Variants in SUPT5H observed in about 807,000 individuals in gnomAD.
The protein encoded by SUPT5H is transcription elongation factor SPT5.
A neutral mutation model predicts 142.5 loss-of-function variants in SUPT5H; 24 were observed. The observed-to-expected ratio is 0.17, with a 90% confidence interval of 0.12 to 0.24. The LOEUF (loss-of-function observed/expected upper bound fraction) is 0.24, where lower values mean the gene tolerates loss of function less well. Ranked by LOEUF, SUPT5H falls within the 10% of genes least tolerant of loss-of-function variation. The pLI is 1.00. For missense variants in SUPT5H, 893 were observed against 1,471.8 expected (o/e 0.61, Z 6.43); for synonymous variants, 546 against 553.0 (o/e 0.99, Z 0.18).
intron 13 of SUPT5H, 128 bp from the exon 14 acceptor site, chr19:39,468,628 G>A: frequency 1.3e-6 from 1 of 757,964 alleles, no homozygotes; most frequent in Non-Finnish European, 2.2e-6. Flanking sequence ...AAGAGGGTGT[G>A]TGCTGGGATG....
intron 13 of SUPT5H, chr19:39,468,011 C>A (rs2146115790): frequency 1.3e-5 from 2 of 152,312 alleles, no homozygotes; most frequent in Middle Eastern, 6.8e-3. Context: ...AGCATGCTGG[C>A]CCCTCTCCCA....
At chr19:39,445,779 G>C (rs965124282) in intron 1 of SUPT5H, 25 bp from the exon 2 acceptor site, 26 of 1,292,702 alleles carry the variant, frequency 2.0e-5, no homozygotes, top group Non-Finnish European at 2.8e-5. Context: ...TGCCGGAAGC[G>C]CCCTAAGGGG....
At chr19:39,445,764 G>A (rs561324938) in intron 1 of SUPT5H, 40 bp from the exon 2 acceptor site, 2 of 1,117,878 alleles carry the variant, frequency 1.8e-6, no homozygotes, top group South Asian at 1.4e-5. Flanking sequence ...TTGCCAAAAC[G>A]AGCCTGCCGG....
intron 3 of SUPT5H, among the ~76,000 whole-genome samples, chr19:39,456,457 T>TG (rs1200734692): frequency 6.6e-6 from 1 of 151,226 alleles, no homozygotes; most frequent in Non-Finnish European, 1.5e-5. Context: ...TTCCCTCTGT[T>TG]GCCCAGGCTG....
In SUPT5H at chr19:39,472,946, G is replaced by C; in HGVS notation, c.2155+17G>C. ...CCTACAAAGGTGACCTGCGAGGCCT[G>C]TGGAGGCCTGGGGAGGGGCATGGTG... On this transcript the variant is annotated intron_variant, in intron 22 of 29. Coordinates refer to ENST00000432763, the MANE Select transcript of SUPT5H (RefSeq NM_001111020.3). This position sits in a 1 kb window ranked among gnomAD's most constrained non-coding sequence, Gnocchi z 4.2. 7.4e-6 allele frequency: 12 copies of C among 1,611,518 alleles called. No homozygotes were observed. Among genetic ancestry groups the C allele is most frequent in the Non-Finnish European group, 1.0e-5 (12 of 1,178,610 alleles).
intron 10 of SUPT5H, among the ~76,000 whole-genome samples, chr19:39,461,188 G>C (rs1274658413): frequency 6.6e-6 from 1 of 152,120 alleles, no homozygotes; most frequent in African/African-American, 2.4e-5. Flanking sequence ...TACTTGGGAG[G>C]CTGAGGCAGG....
chr19:39,474,147 T>C lies in SUPT5H; in HGVS notation c.2651+26T>C, dbSNP rs772021021. The C allele has an allele frequency of 6.2e-7, 1 of 1,605,950 alleles. No individual in the cohort carries two copies. The highest frequency in any genetic ancestry group is 8.5e-7 in the Non-Finnish European group (1 of 1,175,720). On this transcript the variant is annotated intron_variant, in intron 26 of 29. Transcript: ENST00000432763. The surrounding 1 kb of genome is among the most constrained non-coding windows in gnomAD (Gnocchi z 6.5). Reference sequence around the variant, plus strand: ...GTGAGTCCACTGGGGCCTGCCCTCGTCTACCCCTGCCCAAACCCTCCTACT... The same window carrying C: ...GTGAGTCCACTGGGGCCTGCCCTCGCCTACCCCTGCCCAAACCCTCCTACT...
chr19:39,457,002 A>G (rs2079099409), intron 3 of SUPT5H, among the ~76,000 whole-genome samples: 1 of 152,194 alleles, frequency 6.6e-6, no homozygotes, highest in Non-Finnish European at 1.5e-5. Flanking sequence ...TGGACATTGG[A>G]GTTTTTCATT....
In SUPT5H at chr19:39,472,347, T is replaced by A. The variant is rs1001600403; in HGVS notation, c.1951-62T>A. The A allele has an allele frequency of 1.3e-6, 2 of 1,533,882 alleles. No individual in the cohort carries two copies. The highest frequency in any genetic ancestry group is 1.8e-6 in the Non-Finnish European group (2 of 1,109,868). On this transcript the variant is annotated intron_variant, in intron 20 of 29. Coordinates refer to ENST00000432763, the MANE Select transcript of SUPT5H (RefSeq NM_001111020.3). This position sits in a 1 kb window ranked among gnomAD's most constrained non-coding sequence, Gnocchi z 4.2. ...AGGGCCCTGCACGTGGGATGATGAG[T>A]TCCTGTGGTTTGTGGTTCCCCCATC...
chr19:39,468,549 G>C, intron 13 of SUPT5H: 1 of 584,918 alleles, frequency 1.7e-6, no homozygotes, highest in Non-Finnish European at 3.1e-6. Context: ...AGATAAATCA[G>C]GGAATGGGTG....
rs201178144 is a variant in SUPT5H, at chr19:39,474,104, G to A, written c.2634G>A (p.Thr878=). The A allele has an allele frequency of 1.9e-6, 3 of 1,599,330 alleles. No individual in the cohort carries two copies. The highest frequency in any genetic ancestry group is 1.1e-5 in the South Asian group (1 of 89,028). ...TCAACCCACAATACAACCCGCAGACGCCAGGGACGCCGGCCATGTGAGTCC... is the reference window on the plus strand; with the variant it reads ...TCAACCCACAATACAACCCGCAGACACCAGGGACGCCGGCCATGTGAGTCC... ...PQVNPQYNPQ[T]PGTPAMYNTD... Residue 878 remains threonine, a synonymous_variant, in exon 26 of 30, where the codon ACG becomes ACA. Transcript: ENST00000432763. This position sits in a 1 kb window ranked among gnomAD's most constrained non-coding sequence, Gnocchi z 6.5.
chr19:39,462,009 C>T (rs1158462110), intron 10 of SUPT5H, among the ~76,000 whole-genome samples: 1 of 151,576 alleles, frequency 6.6e-6, no homozygotes, highest in African/African-American at 2.4e-5. Flanking sequence ...TCTCGGCTCA[C>T]TGCAACCTCT....
intron 3 of SUPT5H, among the ~76,000 whole-genome samples, chr19:39,454,296 G>C (rs73549931): frequency 6.6e-6 from 1 of 151,654 alleles, no homozygotes; most frequent in Non-Finnish European, 1.5e-5. Flanking sequence ...TCTGTTCTAC[G>C]TGTTAAATCC....
At chr19:39,475,176 T>TC (rs1465089700) in intron 28 of SUPT5H, 3 of 143,058 alleles carry the variant, frequency 2.1e-5, no homozygotes, top group Admixed American at 1.6e-4. Flanking sequence ...GGTCAGGAGT[T>TC]CAAGACCAGC....
Position 39,453,536 on chromosome 19 carries a change from T to C in SUPT5H, c.241+15T>C. On this transcript the variant is annotated intron_variant, in intron 3 of 29. Coordinates refer to ENST00000432763, the MANE Select transcript of SUPT5H (RefSeq NM_001111020.3). ...GGACGAGGCTGGTATGTCATAGTGC[T>C]TGGCCAGTGCCGAGCAGAGGCTGAG... 1 of 1,517,032 alleles carries C rather than the reference T, an allele frequency of 6.6e-7. No homozygotes were observed. 94.0% of individuals were successfully genotyped at this position (1,517,032 alleles called of 1,614,324 possible). A position where few individuals can be genotyped will look rare whatever the true frequency, so the allele number is the denominator to read the frequency against.
rs1210922886 is a variant in SUPT5H at position 39,475,016 on chromosome 19, G to A, written c.3024+298G>A. The A allele has an allele frequency of 2.1e-5, 10 of 474,060 alleles. No homozygotes were observed. The Admixed American group carries it at 3.2e-4, about 15-fold the overall frequency. The allele number at this position is 474,060 out of a possible 1,614,324, so 29.4% of individuals were successfully genotyped here. A position where few individuals can be genotyped will look rare whatever the true frequency, so the allele number is the denominator to read the frequency against. ...GTTCCAAATGGAGGGAACTGCATGT[G>A]CAGAGGCCTGGAGGTGAGGGGAACC... On this transcript the variant is annotated intron_variant, in intron 28 of 29. Coordinates refer to ENST00000432763, the MANE Select transcript of SUPT5H (RefSeq NM_001111020.3).
intron 3 of SUPT5H, among the ~76,000 whole-genome samples, chr19:39,454,520 A>G (rs1167348696): frequency 6.6e-6 from 1 of 150,580 alleles, no homozygotes; most frequent in Non-Finnish European, 1.5e-5. Context: ...AATTTTTTAT[A>G]TTTTTAGTAG....
Position 39,469,159 on chromosome 19 carries a change from G to T in SUPT5H, c.1224G>T (p.Val408=). The change falls in exon 15 of 30, where the codon GTG becomes GTT. Residue 408 remains valine, a synonymous_variant. Coordinates refer to ENST00000432763, the MANE Select transcript of SUPT5H (RefSeq NM_001111020.3). This position sits in a 1 kb window ranked among gnomAD's most constrained non-coding sequence, Gnocchi z 5.1. ...DQPEGIDLEV[V]TESTGKEREH... ...CAGAGGGCATTGACCTGGAGGTGGT[G>T]ACTGAGAGCACAGGTATTTGATCCC... 1 of 1,614,230 alleles carries T rather than the reference G, an allele frequency of 6.2e-7. No homozygotes were observed. Among genetic ancestry groups the T allele is most frequent in the South Asian group, 1.1e-5 (1 of 91,076 alleles).
chr19:39,470,111 TC>T lies in SUPT5H; in HGVS notation c.1375-3del. On this transcript the variant is annotated splice_region_variant and splice_polypyrimidine_tract_variant and intron_variant, in intron 16 of 29. Coordinates refer to ENST00000432763, the MANE Select transcript of SUPT5H (RefSeq NM_001111020.3). This position sits in a 1 kb window ranked among gnomAD's most constrained non-coding sequence, Gnocchi z 5.8. ...ACCTGTTTGTTGTCCCCACACCCAA[TC>T]CCCCAGGACATGTTGGAGTTCCCAG... 1 of 1,611,600 alleles carries T rather than the reference TC, an allele frequency of 6.2e-7. No individual in the cohort carries two copies. The highest frequency in any genetic ancestry group is 8.5e-7 in the Non-Finnish European group (1 of 1,178,464).
Sources: gnomAD v4.1 joint callset for allele counts (sites outside exome capture counted in the v4.1 genomes callset) on GRCh38, gnomAD v4.1.1 for gene constraint, Gnocchi (gnomAD v3.1) non-coding constraint, MANE v1.5 for transcripts, NCBI Gene and HGNC (gene_info 2026-07-23, HGNC 2026-07-21) for gene names.